Variants in RARB observed in about 807,000 individuals in gnomAD.
The protein encoded by RARB is retinoic acid receptor beta.
In RARB, 17 loss-of-function variants were observed where a neutral mutation model predicts 51.9. That is an observed-to-expected ratio of 0.33 (90% CI 0.22 to 0.49). The LOEUF (loss-of-function observed/expected upper bound fraction) is 0.49. Among genes scored for constraint, RARB ranks in the 20% least tolerant of loss-of-function variants. The pLI is 0.99. For synonymous variants in RARB, 215 were observed against 195.4 expected (o/e 1.10, Z -0.84); for missense variants, 369 against 550.8 (o/e 0.67, Z 3.30).
chr3:25,001,525 A>G (rs1575113309), intron 2 of RARB, among the ~76,000 whole-genome samples: 1 of 152,058 alleles, frequency 6.6e-6, no homozygotes, highest in East Asian at 1.9e-4. Flanking sequence ...TTACAGGCTG[A>G]TGTTGGCAAG....
chr3:24,973,775 AC>A (rs1418709845), intron 2 of RARB, among the ~76,000 whole-genome samples: 3 of 152,002 alleles, frequency 2.0e-5, no homozygotes, highest in Non-Finnish European at 2.9e-5. Context: ...ATATATAAAT[AC>A]TACTGATTTT....
At chr3:24,909,799 A>G (rs1027263024) in intron 2 of RARB, among the ~76,000 whole-genome samples, 1 of 151,356 alleles carries the variant, frequency 6.6e-6, no homozygotes, top group African/African-American at 2.4e-5. Flanking sequence ...TTGTTCTGTC[A>G]CCTCTTATTT....
intron 5 of RARB, among the ~76,000 whole-genome samples, chr3:25,181,439 G>C (rs1465550151): frequency 3.3e-5 from 5 of 152,168 alleles, no homozygotes; most frequent in Admixed American, 6.6e-5. Flanking sequence ...TGAATCAATG[G>C]TTTTTGCTGG....
intron 2 of RARB, among the ~76,000 whole-genome samples, chr3:25,048,135 A>G (rs1320415456): frequency 6.6e-6 from 1 of 152,158 alleles, no homozygotes; most frequent in African/African-American, 2.4e-5. Flanking sequence ...TTTTTATGTA[A>G]ATTACCCATT....
At chr3:25,478,219 G>C (rs1055180598) in intron 2 of RARB, among the ~76,000 whole-genome samples, 2 of 152,138 alleles carry the variant, frequency 1.3e-5, no homozygotes, top group Non-Finnish European at 2.9e-5. Flanking sequence ...GATCCATCCA[G>C]GTACAAGAGG....
At chr3:24,897,922 C>T (rs1200998746) in intron 2 of RARB, among the ~76,000 whole-genome samples, 1 of 152,152 alleles carries the variant, frequency 6.6e-6, no homozygotes, top group South Asian at 2.1e-4. Context: ...CACTATGGAA[C>T]CTTTTTATTT....
At chr3:25,071,627 G>T (rs1698767698) in intron 3 of RARB, among the ~76,000 whole-genome samples, 1 of 152,170 alleles carries the variant, frequency 6.6e-6, no homozygotes, top group African/African-American at 2.4e-5. Flanking sequence ...AGTATAATCA[G>T]TTGGCTGAGA....
intron 5 of RARB, among the ~76,000 whole-genome samples, chr3:25,234,279 C>G (rs763143379): frequency 9.9e-5 from 15 of 152,112 alleles, no homozygotes; most frequent in Non-Finnish European, 1.8e-4. Flanking sequence ...TCTTGAGTGA[C>G]TTTTGTTAGT....
chr3:25,411,188 T>A (rs1707553204), intron 5 of RARB, among the ~76,000 whole-genome samples: 1 of 152,234 alleles, frequency 6.6e-6, no homozygotes, highest in Non-Finnish European at 1.5e-5. Flanking sequence ...GTTTATGTTT[T>A]AACATGTAAA....
chr3:24,842,624 G>A (rs953144245), intron 1 of RARB, among the ~76,000 whole-genome samples: 2 of 152,044 alleles, frequency 1.3e-5, no homozygotes, highest in Admixed American at 6.6e-5. Flanking sequence ...GTACTTTTTC[G>A]AGGTCACAAT....
chr3:25,510,211 T>C (rs556208868), intron 3 of RARB, among the ~76,000 whole-genome samples: 1 of 152,198 alleles, frequency 6.6e-6, no homozygotes, highest in African/African-American at 2.4e-5. Flanking sequence ...GGGTCTTAAT[T>C]CTAATTCCCA....
chr3:24,913,503 T>A (rs1695044488), intron 2 of RARB, among the ~76,000 whole-genome samples: 1 of 150,506 alleles, frequency 6.6e-6, no homozygotes, highest in Non-Finnish European at 1.5e-5. Flanking sequence ...AAAAATACAA[T>A]TTCAGAGTAA....
chr3:24,849,187 T>C (rs1011342052), intron 1 of RARB, among the ~76,000 whole-genome samples: 1 of 152,184 alleles, frequency 6.6e-6, no homozygotes, highest in Non-Finnish European at 1.5e-5. Context: ...TTAATAAAAA[T>C]AAGCAATTAT....
chr3:25,209,526 G>C (rs191209955), intron 5 of RARB, among the ~76,000 whole-genome samples: 163 of 152,318 alleles, frequency 1.1e-3, no homozygotes, highest in Non-Finnish European at 1.0e-3. Context: ...ATGCTTTTGT[G>C]AACATTGTTA....
intron 2 of RARB, among the ~76,000 whole-genome samples, chr3:24,968,082 A>G (rs1380347375): frequency 6.6e-6 from 1 of 152,148 alleles, no homozygotes; most frequent in East Asian, 1.9e-4. Context: ...ATCCAAAGGA[A>G]GAAGCTGTGT....
At position 25,069,110 on chromosome 3, in the gene RARB, T is replaced by C. The variant is rs762100165; in HGVS notation, c.-328+8934T>C. On this transcript the variant is annotated intron_variant, in intron 3 of 11. Transcript: ENST00000383772. ...GAGGTAAGAGCAGTTGTCAGACAAA[T>C]CTTTTCTCTGATAGCTATGCAAAGA... 3.2e-4 allele frequency among the ~76,000 whole-genome samples: 49 copies of C among 151,520 alleles called. 1 individual carries two copies. Among genetic ancestry groups the C allele is most frequent in the Admixed American group, 5.3e-4 (8 of 15,226 alleles).
chr3:25,568,205 G>A (rs1700574547), intron 3 of RARB, among the ~76,000 whole-genome samples: 1 of 152,186 alleles, frequency 6.6e-6, no homozygotes, highest in African/African-American at 2.4e-5. Flanking sequence ...CTGTCTAGAA[G>A]GGTGTTCTCT....
rs145002612 is a variant in RARB at position 25,215,706 on chromosome 3, C to T, written c.178+41131C>T. 2.1e-3 allele frequency among the ~76,000 whole-genome samples: 327 copies of T among 152,196 alleles called. 2 individuals carry two copies. Among genetic ancestry groups the T allele is most frequent in the African/African-American group, 7.5e-3 (310 of 41,522 alleles). On this transcript the variant is annotated intron_variant, in intron 5 of 11. Transcript: ENST00000383772. Reference sequence around the variant, plus strand: ...TCCTGGTAGCTTGCCCATCACAGTTCCTCTGGCCTTCTGTCTATGGAAAGG... The same window carrying T: ...TCCTGGTAGCTTGCCCATCACAGTTTCTCTGGCCTTCTGTCTATGGAAAGG...
chr3:24,971,943 G>A (rs549715429), intron 2 of RARB, among the ~76,000 whole-genome samples: 3 of 151,698 alleles, frequency 2.0e-5, no homozygotes, highest in East Asian at 3.9e-4. Flanking sequence ...TTTGATACAT[G>A]TGTATAATCA....
Sources: allele counts gnomAD v4.1 joint callset (sites outside exome capture counted in the v4.1 genomes callset), GRCh38; gene constraint gnomAD v4.1.1; transcripts MANE v1.5; gene names NCBI Gene and HGNC (gene_info 2026-07-23, HGNC 2026-07-21).